Variants in DNAH7 observed in about 807,000 individuals in gnomAD.
DNAH7 encodes the protein axonemal beta dynein heavy chain 7.
A neutral mutation model predicts 444.6 loss-of-function variants in DNAH7; 397 were observed. The ratio of observed to expected loss-of-function variants is 0.89; its 90% confidence interval spans 0.82 to 0.97. The LOEUF (loss-of-function observed/expected upper bound fraction) is 0.97, where lower values mean the gene tolerates loss of function less well. Among genes scored for constraint, DNAH7 ranks in the 50% least tolerant of loss-of-function variants. The pLI, the probability that DNAH7 is intolerant of heterozygous loss-of-function variation, is 0.00. For synonymous variants in DNAH7, 1,636 were observed against 1,624.4 expected (o/e 1.01, Z -0.17); for missense variants, 4,902 against 4,800.8 (o/e 1.02, Z -0.62).
At chr2:195,755,757 G>A (rs1027728929) in intron 62 of DNAH7, among the ~76,000 whole-genome samples, 8 of 152,312 alleles carry the variant, frequency 5.3e-5, no homozygotes, top group Non-Finnish European at 8.8e-5. Context: ...TAGCCATTGA[G>A]GTCATTACTG....
At chr2:195,843,866 G>C (rs1199123194) in intron 47 of DNAH7, among the ~76,000 whole-genome samples, 1 of 152,148 alleles carries the variant, frequency 6.6e-6, no homozygotes, top group African/African-American at 2.4e-5. Context: ...GGAGGCTGAG[G>C]CGGGCACATC....
intron 24 of DNAH7, among the ~76,000 whole-genome samples, chr2:195,916,970 C>T (rs1012825262): frequency 2.0e-5 from 3 of 146,682 alleles, no homozygotes; most frequent in East Asian, 4.0e-4. Context: ...GGTGTGGTGG[C>T]GGGCGCCTGT....
chr2:195,980,005 C>T (rs1692456670), intron 15 of DNAH7, among the ~76,000 whole-genome samples: 1 of 149,686 alleles, frequency 6.7e-6, no homozygotes, highest in Admixed American at 6.6e-5. Flanking sequence ...AGGAAAAGCC[C>T]ACGACCTGAT....
At chr2:195,838,984 G>C (rs1193629397) in intron 47 of DNAH7, among the ~76,000 whole-genome samples, 1 of 151,782 alleles carries the variant, frequency 6.6e-6, no homozygotes, top group Non-Finnish European at 1.5e-5. Context: ...CAGAAAACTA[G>C]CAAGGATATT....
At chr2:195,950,864 A>AAC (rs1222260269) in intron 19 of DNAH7, among the ~76,000 whole-genome samples, 1 of 148,162 alleles carries the variant, frequency 6.7e-6, no homozygotes, top group African/African-American at 2.5e-5. Context: ...AAAAAAAAAA[A>AAC]AAAAAAAAAA....
rs1352686049 is a variant in DNAH7 at position 195,960,937 on chromosome 2, C to A, written c.2214G>T (p.Gln738His). Residue 738 changes from glutamine to histidine, a missense_variant, in exon 18 of 65, where the codon CAG (glutamine) becomes CAT (histidine). Physicochemically the swap from Gln to His is conservative, Grantham distance 24. Coordinates refer to ENST00000312428, the MANE Select transcript of DNAH7 (RefSeq NM_018897.3). Reference sequence around the variant, plus strand: ...CAAATGCTTCCTCTTCAGCATTAAACTGCTCAATCTGAAAGGATAAGTATT... The same window carrying A: ...CAAATGCTTCCTCTTCAGCATTAAAATGCTCAATCTGAAAGGATAAGTATT... Reference protein sequence around the residue: ...KLDLAADKIEQFNAEEEAFGW... With the variant: ...KLDLAADKIEHFNAEEEAFGW... 2 of 1,585,054 alleles carry A rather than the reference C, an allele frequency of 1.3e-6. No homozygotes were observed. Among genetic ancestry groups the A allele is most frequent in the South Asian group, 2.3e-5 (2 of 86,794 alleles).
chr2:196,002,573 T>A (rs1211516698), intron 10 of DNAH7, among the ~76,000 whole-genome samples: 1 of 152,194 alleles, frequency 6.6e-6, no homozygotes, highest in Non-Finnish European at 1.5e-5. Flanking sequence ...ATGAATTTTT[T>A]AAATAGTCAA....
intron 9 of DNAH7, among the ~76,000 whole-genome samples, chr2:196,016,366 T>C (rs920465958): frequency 2.6e-4 from 40 of 152,202 alleles, no homozygotes; most frequent in Admixed American, 1.1e-3. Flanking sequence ...TCATGGGCCT[T>C]GTCAGCTGAG....
intron 19 of DNAH7, 120 bp from the exon 20 acceptor site, chr2:195,936,912 G>T: frequency 3.5e-6 from 3 of 853,516 alleles, no homozygotes; most frequent in South Asian, 3.1e-5. Flanking sequence ...AATTTTAAGG[G>T]GAGTATTTGT....
intron 27 of DNAH7, chr2:195,903,130 G>A (rs1395758372): frequency 2.0e-5 from 3 of 152,060 alleles, no homozygotes; most frequent in African/African-American, 7.2e-5. Context: ...AAATGATCAA[G>A]AATAGCTGTT....
intron 42 of DNAH7, among the ~76,000 whole-genome samples, chr2:195,860,495 T>C (rs942895378): frequency 1.3e-5 from 2 of 152,114 alleles, no homozygotes; most frequent in African/African-American, 2.4e-5. Context: ...CACTAGGTAG[T>C]TGAAAAATTC....
intron 54 of DNAH7, among the ~76,000 whole-genome samples, chr2:195,801,214 C>T (rs1349921887): frequency 6.6e-6 from 1 of 152,074 alleles, no homozygotes; most frequent in African/African-American, 2.4e-5. Flanking sequence ...TACAGCAACA[C>T]AGAACAGACT....
intron 19 of DNAH7, among the ~76,000 whole-genome samples, chr2:195,950,478 G>T (rs1400255264): frequency 2.0e-5 from 3 of 151,746 alleles, no homozygotes; most frequent in Admixed American, 6.6e-5. Flanking sequence ...TTTTTTTATT[G>T]TGTCTATTTG....
chr2:195,908,190 T>C (rs1460134984), intron 25 of DNAH7, among the ~76,000 whole-genome samples: 1 of 152,104 alleles, frequency 6.6e-6, no homozygotes, highest in South Asian at 2.1e-4. Flanking sequence ...TCAAACTGCA[T>C]GTAGAATTCT....
At chr2:195,830,626 T>C (rs1574511574) in intron 48 of DNAH7, among the ~76,000 whole-genome samples, 1 of 152,204 alleles carries the variant, frequency 6.6e-6, no homozygotes, top group Non-Finnish European at 1.5e-5. Context: ...GGTACTTCAT[T>C]GAAGGGGTCG....
chr2:196,007,827 T>C (rs1227040850), intron 10 of DNAH7, among the ~76,000 whole-genome samples: 1 of 152,190 alleles, frequency 6.6e-6, no homozygotes, highest in Non-Finnish European at 1.5e-5. Context: ...TTCAACCTCT[T>C]TCCTTTATAA....
rs554816465 is a variant in DNAH7 at position 195,751,354 on chromosome 2, C to T, written c.11764+2983G>A. On this transcript the variant is annotated intron_variant, in intron 63 of 64. Coordinates refer to ENST00000312428, the MANE Select transcript of DNAH7 (RefSeq NM_018897.3). ...AGAGGTATCTTTAACAGGTTGGGTT[C>T]GAGTCCATACATTTTTAGTGGATTC... is the stretch of plus-strand genomic sequence containing the variant. 2.6e-5 allele frequency among the ~76,000 whole-genome samples: 4 copies of T among 152,160 alleles called. No individual in the cohort carries two copies. In the South Asian group the frequency reaches 6.2e-4, roughly 24 times the overall value.
At chr2:195,888,479 A>T in intron 32 of DNAH7, 45 bp from the exon 33 acceptor site, 2 of 1,529,926 alleles carry the variant, frequency 1.3e-6, no homozygotes, top group Non-Finnish European at 1.7e-6. Context: ...AATGCTTATA[A>T]AATAAATATG....
intron 5 of DNAH7, among the ~76,000 whole-genome samples, chr2:196,045,211 G>A (rs928626567): frequency 6.7e-6 from 1 of 149,758 alleles, no homozygotes; most frequent in African/African-American, 2.5e-5. Context: ...AAAGGAGGAG[G>A]AGGAGGAGAA....
Sources: allele counts gnomAD v4.1 joint callset (sites outside exome capture counted in the v4.1 genomes callset), GRCh38; gene constraint gnomAD v4.1.1; transcripts MANE v1.5; gene names NCBI Gene and HGNC (gene_info 2026-07-23, HGNC 2026-07-21).